Variants in SRGAP1 observed in about 807,000 individuals in gnomAD.
SRGAP1 encodes the protein SLIT-ROBO Rho GTPase-activating protein 1.
SRGAP1 carries 43 observed loss-of-function variants against 121.9 expected under a neutral mutation model. The observed-to-expected ratio is 0.35, with a 90% CI of 0.28 to 0.46. SRGAP1 has a LOEUF of 0.46. SRGAP1 is among the 20% of genes least tolerant of loss of function. The pLI is 1.00. For missense variants in SRGAP1, 1,102 were observed against 1,350.9 expected, an observed-to-expected ratio of 0.82 and a Z score of 2.89; for synonymous variants, 447 against 485.4, an observed-to-expected ratio of 0.92 and a Z score of 1.04.
At chr12:63,962,524 C>T (rs981428224) in intron 1 of SRGAP1, among the ~76,000 whole-genome samples, 4 of 152,118 alleles carry the variant, frequency 2.6e-5, no homozygotes, top group Non-Finnish European at 2.9e-5. Context: ...TCTCCTGCCT[C>T]GGCCTCCTGA....
chr12:63,988,850 G>A (rs1170612994), intron 2 of SRGAP1, among the ~76,000 whole-genome samples: 2 of 152,252 alleles, frequency 1.3e-5, no homozygotes, highest in Middle Eastern at 3.4e-3. Context: ...TCGCCCTGTC[G>A]CCCAGGCTGG....
At chr12:63,879,362 C>T (rs1280607853) in intron 1 of SRGAP1, 1 of 152,130 alleles carries the variant, frequency 6.6e-6, no homozygotes, top group Non-Finnish European at 1.5e-5. Context: ...TACTTACATA[C>T]TCTGAATTAT....
At chr12:64,118,518 T>A (rs2036557267) in intron 18 of SRGAP1, among the ~76,000 whole-genome samples, 1 of 152,180 alleles carries the variant, frequency 6.6e-6, no homozygotes, top group African/African-American at 2.4e-5. Context: ...TGCCTTGGCC[T>A]CCCAAAGTGC....
intron 1 of SRGAP1, among the ~76,000 whole-genome samples, chr12:63,855,473 G>GTTTTTTGTTTTTTTT (rs1899208078): frequency 1.5e-4 from 8 of 52,898 alleles, no homozygotes; most frequent in African/African-American, 5.7e-4. Flanking sequence ...GAAAAATGGT[G>GTTTTTTGTTTTTTTT]TTTTTTTTTT....
rs543457522 is a variant in SRGAP1, at chr12:64,127,276, T to C, written c.2406-314T>C. On this transcript the variant is annotated intron_variant, in intron 19 of 21. Coordinates refer to ENST00000355086, the MANE Select transcript of SRGAP1 (RefSeq NM_020762.4). ...ATGTATGTACACAATCACAGATATG[T>C]ATCCCAGGCATAGAATAGAAGATGG... Among the ~76,000 whole-genome samples, 3 of 152,360 alleles carry C rather than the reference T, an allele frequency of 2.0e-5. No homozygotes were observed. In the South Asian group the frequency reaches 6.2e-4, roughly 32 times the overall value.
At chr12:63,973,813 C>T (rs896286829) in intron 1 of SRGAP1, among the ~76,000 whole-genome samples, 10 of 151,872 alleles carry the variant, frequency 6.6e-5, no homozygotes, top group African/African-American at 2.2e-4. Flanking sequence ...AAAACTTATT[C>T]AGAGAAAAAC....
intron 6 of SRGAP1, among the ~76,000 whole-genome samples, chr12:64,058,149 T>C (rs1474664541): frequency 6.6e-6 from 1 of 152,198 alleles, no homozygotes; most frequent in Non-Finnish European, 1.5e-5. Flanking sequence ...CAGTCCTCCA[T>C]ACAGATGGTC....
intron 12 of SRGAP1, among the ~76,000 whole-genome samples, chr12:64,094,346 G>A (rs977995777): frequency 2.0e-5 from 3 of 152,102 alleles, no homozygotes; most frequent in African/African-American, 4.8e-5. Context: ...ACAAATCTGC[G>A]ATATACAGTT....
At chr12:63,895,870 G>A (rs148220605) in intron 1 of SRGAP1, among the ~76,000 whole-genome samples, 2 of 152,288 alleles carry the variant, frequency 1.3e-5, no homozygotes, top group Non-Finnish European at 2.9e-5. Flanking sequence ...AAATTCTTTT[G>A]CTCTGTGGGA....
At chr12:63,870,329 A>G (rs1400799575) in intron 1 of SRGAP1, among the ~76,000 whole-genome samples, 1 of 152,168 alleles carries the variant, frequency 6.6e-6, no homozygotes, top group Non-Finnish European at 1.5e-5. Flanking sequence ...GAGAAGAAAT[A>G]AATTTAAAAA....
intron 1 of SRGAP1, among the ~76,000 whole-genome samples, chr12:63,865,719 T>C (rs924496651): frequency 3.9e-5 from 6 of 152,170 alleles, no homozygotes; most frequent in African/African-American, 1.4e-4. Flanking sequence ...TGGAGAAGAA[T>C]TGGGCCTTTC....
chr12:64,082,001 C>CTTTTTGTTTTTTT (rs2035853183), intron 10 of SRGAP1: 1 of 66,124 alleles, frequency 1.5e-5, no homozygotes, highest in Non-Finnish European at 2.5e-5. Flanking sequence ...CATGTAAGGT[C>CTTTTTGTTTTTTT]TTTTTTTTTT....
At position 63,980,662 on chromosome 12, in the gene SRGAP1, C is replaced by T. The variant is rs2033221818; in HGVS notation, c.68-3285C>T. ...AGGCTAGAGTGCAGTGGTGCAATCTCTGCTCACTGCAACCTGCATCTGCTG... is the reference window on the plus strand; with the variant it reads ...AGGCTAGAGTGCAGTGGTGCAATCTTTGCTCACTGCAACCTGCATCTGCTG... On this transcript the variant is annotated intron_variant, in intron 1 of 21. Transcript: ENST00000355086. Among the ~76,000 whole-genome samples the T allele has an allele frequency of 1.3e-5, 2 of 151,084 alleles. 1 individual carries two copies. Among genetic ancestry groups the T allele is most frequent in the South Asian group, 4.2e-4 (2 of 4,792 alleles).
chr12:63,988,745 G>C (rs1012342135), intron 2 of SRGAP1, among the ~76,000 whole-genome samples: 2 of 152,156 alleles, frequency 1.3e-5, no homozygotes, highest in African/African-American at 4.8e-5. Context: ...TCCTGCATTA[G>C]CATAAGGATT....
At chr12:64,041,916 T>TTATTATTATTATTA (rs2035035039) in intron 4 of SRGAP1, among the ~76,000 whole-genome samples, 4 of 98,834 alleles carry the variant, frequency 4.0e-5, no homozygotes. Flanking sequence ...TATTATTATT[T>TTATTATTATTATTA]GAGATGGAGT....
At chr12:64,074,236 G>A (rs1046890603) in intron 8 of SRGAP1, among the ~76,000 whole-genome samples, 1 of 152,120 alleles carries the variant, frequency 6.6e-6, no homozygotes, top group Non-Finnish European at 1.5e-5. Context: ...AATGGGACTA[G>A]GGTCTCCTGA....
chr12:63,994,904 A>G (rs76522819), intron 3 of SRGAP1, among the ~76,000 whole-genome samples: 4,340 of 152,342 alleles, frequency 0.028, 95 homozygotes, highest in South Asian at 0.076. Flanking sequence ...TTGGTTCTGC[A>G]GCCAGAAAAT....
chr12:64,095,498 A>G (rs866209007), intron 14 of SRGAP1, among the ~76,000 whole-genome samples: 1 of 152,142 alleles, frequency 6.6e-6, no homozygotes, highest in African/African-American at 2.4e-5. Flanking sequence ...AAGAGTGGCC[A>G]GGGCAGCCCT....
intron 1 of SRGAP1, among the ~76,000 whole-genome samples, chr12:63,918,980 A>T (rs2030916164): frequency 1.4e-5 from 2 of 147,946 alleles, no homozygotes; most frequent in African/African-American, 5.0e-5. Flanking sequence ...AGACAAATGA[A>T]GTTCAGAGAA....
Sources: gnomAD v4.1 joint callset for allele counts (sites outside exome capture counted in the v4.1 genomes callset) on GRCh38, gnomAD v4.1.1 for gene constraint, MANE v1.5 for transcripts, NCBI Gene and HGNC (gene_info 2026-07-23, HGNC 2026-07-21) for gene names.